The following B4GALNT3 variants were observed in gnomAD, a reference collection of about 807,000 sequenced individuals.
B4GALNT3 encodes the protein beta-1,4-N-acetyl-galactosaminyltransferase 3.
In B4GALNT3, 86 loss-of-function variants were observed where a neutral mutation model predicts 120.2. The observed-to-expected ratio is 0.72, with a 90% CI of 0.60 to 0.86. The LOEUF is 0.86. B4GALNT3 is among the 40% of genes least tolerant of loss of function. The pLI is 0.00. For missense variants in B4GALNT3, 1,167 were observed against 1,298.9 expected (o/e 0.90, Z 1.56); for synonymous variants, 518 against 510.4 (o/e 1.01, Z -0.20).
intron 1 of B4GALNT3, among the ~76,000 whole-genome samples, chr12:522,408 A>C (rs1317065010): frequency 6.6e-6 from 1 of 152,242 alleles, no homozygotes; most frequent in African/African-American, 2.4e-5. Context: ...AGCCAGACAC[A>C]AAAGGAAAAA....
intron 1 of B4GALNT3, among the ~76,000 whole-genome samples, chr12:493,855 G>C (rs1463374189): frequency 6.6e-6 from 1 of 152,162 alleles, no homozygotes; most frequent in Non-Finnish European, 1.5e-5. Flanking sequence ...CCTGGAAATT[G>C]ATCACCCAAT....
chr12:537,645 G>A (rs1157892573), intron 3 of B4GALNT3, among the ~76,000 whole-genome samples: 3 of 152,192 alleles, frequency 2.0e-5, no homozygotes, highest in Non-Finnish European at 2.9e-5. Context: ...AAATCGTTAT[G>A]TCAAGATTTC....
chr12:512,151 G>A lies in B4GALNT3; in HGVS notation c.170-23015G>A, dbSNP rs1369540985. On this transcript the variant is annotated intron_variant, in intron 1 of 19. Transcript: ENST00000266383. ...TTCCACCTTCCACCTTCCACCTTCC[G>A]CCTTCCGCCTTCCACCTTCCGCCTT... Among the ~76,000 whole-genome samples, 198 of 20,968 alleles carry A rather than the reference G, an allele frequency of 9.4e-3. 4 individuals carry two copies. The highest frequency in any genetic ancestry group is 0.06 in the African/African-American group (161 of 2,692). The allele number at this position is 20,968 out of a possible 152,430, so 13.8% of individuals were successfully genotyped here. A position where few individuals can be genotyped will look rare whatever the true frequency, so the allele number is the denominator to read the frequency against.
At chr12:544,297 G>T (rs1263103298) in intron 3 of B4GALNT3, 42 bp from the exon 4 acceptor site, 1 of 1,588,844 alleles carries the variant, frequency 6.3e-7, no homozygotes, top group Admixed American at 1.7e-5. Flanking sequence ...GGCGGGCATG[G>T]GGTGCTCACG....
intron 12 of B4GALNT3, 53 bp from the exon 13 acceptor site, chr12:552,390 TGCTGAGACTTCCAGCAGAGCCAGG>T: frequency 6.9e-7 from 1 of 1,458,268 alleles, no homozygotes. Flanking sequence ...GTCAGACTCC[TGCTGAGACTTCCAGCAGAGCCAGG>T]GCTGAGCCCG....
At chr12:557,895 C>T in intron 16 of B4GALNT3, 121 bp from the exon 17 acceptor site, 1 of 1,457,396 alleles carries the variant, frequency 6.9e-7, no homozygotes, top group Non-Finnish European at 9.5e-7. Context: ...TCCCAGAGGG[C>T]TCACCTGCCC....
chr12:534,033 G>T (rs780530905), intron 1 of B4GALNT3, among the ~76,000 whole-genome samples: 1 of 152,202 alleles, frequency 6.6e-6, no homozygotes, highest in Non-Finnish European at 1.5e-5. Context: ...GCTCCCAGGG[G>T]TCGGGGACTG....
chr12:508,280 TG>T (rs1015883772), intron 1 of B4GALNT3, among the ~76,000 whole-genome samples: 10 of 152,098 alleles, frequency 6.6e-5, no homozygotes, highest in African/African-American at 2.2e-4. Context: ...AACTTACTTT[TG>T]TTTTTTTTAG....
At chr12:557,858 C>G in intron 16 of B4GALNT3, 97 bp downstream of exon 16, 1 of 1,489,544 alleles carries the variant, frequency 6.7e-7, no homozygotes, top group African/African-American at 1.4e-5. Flanking sequence ...TCCTGCCCAG[C>G]CTTCCTGATT....
intron 1 of B4GALNT3, among the ~76,000 whole-genome samples, chr12:469,859 T>C: frequency 6.6e-6 from 1 of 152,154 alleles, no homozygotes; most frequent in Non-Finnish European, 1.5e-5. Flanking sequence ...ACTATGTTGC[T>C]CAGGCTGGTC....
chr12:501,712 CA>C (rs1445198057), intron 1 of B4GALNT3, among the ~76,000 whole-genome samples: 1 of 152,100 alleles, frequency 6.6e-6, no homozygotes, highest in Non-Finnish European at 1.5e-5. Flanking sequence ...TTGTTAAATA[CA>C]GATGCCCCTA....
In B4GALNT3 at chr12:553,207, C is replaced by T. The variant is rs1389265853; in HGVS notation, c.1284C>T (p.Asn428=). 7 of 1,610,134 alleles carry T rather than the reference C, an allele frequency of 4.3e-6. No homozygotes were observed. The highest frequency in any genetic ancestry group is 5.9e-6 in the Non-Finnish European group (7 of 1,177,524). Residue 428 remains asparagine, a synonymous_variant, in exon 14 of 20, where the codon AAC becomes AAT. Coordinates refer to ENST00000266383, the MANE Select transcript of B4GALNT3 (RefSeq NM_173593.4). ...QGLEQPGFEE[N]LLEESQYGEV... is the part of the protein sequence containing the mutation. ...TATTAATAGCAGGTTTTGAGGAAAA[C>T]CTTCTAGAAGAGTCCCAGTATGGGG...
chr12:516,853 A>C (rs1317670171), intron 1 of B4GALNT3, among the ~76,000 whole-genome samples: 1 of 152,046 alleles, frequency 6.6e-6, no homozygotes, highest in African/African-American at 2.4e-5. Flanking sequence ...AGTGGTGGAG[A>C]CGGAGGAGGG....
rs866176968 is a variant in B4GALNT3 at position 555,694 on chromosome 12, C to T, written c.2061-853C>T. Among the ~76,000 whole-genome samples the T allele has an allele frequency of 2.6e-4, 40 of 152,334 alleles. No homozygotes were observed. The Middle Eastern group carries it at 0.01, about 39-fold the overall frequency. ...TAAATCAACTGCATCATTTCACATT[C>T]CCATCAGCAGGGTATGAAGATTCCA... On this transcript the variant is annotated intron_variant, in intron 14 of 19. Coordinates refer to ENST00000266383, the MANE Select transcript of B4GALNT3 (RefSeq NM_173593.4).
chr12:503,408 G>A (rs1946462182), intron 1 of B4GALNT3, among the ~76,000 whole-genome samples: 1 of 152,144 alleles, frequency 6.6e-6, no homozygotes, highest in African/African-American at 2.4e-5. Context: ...CATGTTTCCT[G>A]GGAGCTGTGA....
chr12:557,562 T>G (rs1947172637), intron 15 of B4GALNT3, 46 bp from the exon 16 acceptor site: 4 of 1,581,476 alleles, frequency 2.5e-6, no homozygotes, highest in South Asian at 1.2e-5. Context: ...TCCGCTCATC[T>G]TTGCCTTGTC....
Position 544,331 on chromosome 12 carries a change from C to A in B4GALNT3, c.352-8C>A. 2 of 1,613,124 alleles carry A rather than the reference C, an allele frequency of 1.2e-6. No homozygotes were observed. The highest frequency in any genetic ancestry group is 1.7e-6 in the Non-Finnish European group (2 of 1,179,826). Reference sequence around the variant, plus strand: ...CGCTCACTCACCACTGGCGTCTCCGCCCTGCAGTTCCGGGGCCGTGCCAAC... The same window carrying A: ...CGCTCACTCACCACTGGCGTCTCCGACCTGCAGTTCCGGGGCCGTGCCAAC... On this transcript the variant is annotated splice_polypyrimidine_tract_variant and splice_region_variant and intron_variant, in intron 3 of 19. Coordinates refer to ENST00000266383, the MANE Select transcript of B4GALNT3 (RefSeq NM_173593.4).
At chr12:561,047 GTCTAC>G (rs1947225057) in intron 19 of B4GALNT3, among the ~76,000 whole-genome samples, 1 of 152,238 alleles carries the variant, frequency 6.6e-6, no homozygotes, top group African/African-American at 2.4e-5. Flanking sequence ...TATATAGTAT[GTCTAC>G]TCTAATATTA....
chr12:491,338 T>C (rs1946338082), intron 1 of B4GALNT3, among the ~76,000 whole-genome samples: 2 of 151,894 alleles, frequency 1.3e-5, no homozygotes, highest in Admixed American at 6.6e-5. Context: ...CAAATTCTTT[T>C]TTTTTTTTTT....
Sources: allele counts gnomAD v4.1 joint callset (sites outside exome capture counted in the v4.1 genomes callset), GRCh38; gene constraint gnomAD v4.1.1; transcripts MANE v1.5; gene names NCBI Gene and HGNC (gene_info 2026-07-23, HGNC 2026-07-21).